CCL24: variants seen among roughly 807,000 people sequenced by gnomAD.
CCL24 encodes C-C motif chemokine ligand 24, also known as C-C motif chemokine 24.
CCL24 carries 6 observed loss-of-function variants against 8.6 expected under a neutral mutation model. That is an observed-to-expected ratio of 0.70 (90% CI 0.38 to 1.38). CCL24 has a LOEUF of 1.38. Ranked by LOEUF, CCL24 falls within the 40% of genes most tolerant of loss-of-function variation. The pLI is 0.02. For synonymous variants in CCL24, 59 were observed against 52.7 expected (o/e 1.12, Z -0.52); for missense variants, 126 against 147.1 (o/e 0.86, Z 0.74).
rs11465311 is a variant in CCL24, at chr7:75,812,180, G to A, written c.192-216C>T. Among the ~76,000 whole-genome samples, 725 of 151,952 alleles carry A rather than the reference G, an allele frequency of 4.8e-3. 6 individuals carry two copies. Among genetic ancestry groups the A allele is most frequent in the African/African-American group, 0.017 (693 of 41,466 alleles). On this transcript the variant is annotated intron_variant, in intron 2 of 2. Coordinates refer to ENST00000222902, the MANE Select transcript of CCL24 (RefSeq NM_002991.3). ...ACTCACTGCAGCCTCAAATTCCCAG[G>A]CTCAAGCTGTCCTCCCGCCTTAGCC...
Position 75,813,738 on chromosome 7 carries a change from G to A in CCL24, c.-23C>T. On this transcript the variant is annotated 5_prime_UTR_variant, in exon 1 of 3. Transcript: ENST00000222902. ...CATGTCTCAGAGAGCAGAAGCACCA[G>A]CTCGGGGCTCAAAGCTGACGTGCAG... 1 of 1,604,438 alleles carries A rather than the reference G, an allele frequency of 6.2e-7. No individual in the cohort carries two copies. The highest frequency in any genetic ancestry group is 1.7e-4 in the Middle Eastern group (1 of 6,052).
At chr7:75,817,321 G>T (rs1485134647), upstream of CCL24, among the ~76,000 whole-genome samples, 4 of 151,960 alleles carry the variant, frequency 2.6e-5, no homozygotes, top group African/African-American at 9.7e-5. Context: ...TCAGACAGAG[G>T]CAGCACTCAG....
chr7:75,817,591 C>T (rs1452491132), upstream of CCL24, among the ~76,000 whole-genome samples: 2 of 151,542 alleles, frequency 1.3e-5, no homozygotes, highest in African/African-American at 2.4e-5. Context: ...GAGCCTCAAC[C>T]TCCCGGGTTC....
chr7:75,819,105 C>A (rs1176711877), intron 1 of CCL24, among the ~76,000 whole-genome samples: 5 of 147,264 alleles, frequency 3.4e-5, no homozygotes, highest in African/African-American at 1.3e-4. Flanking sequence ...CCCATCTCTA[C>A]TAAAAATACA....
rs1246379622 is a variant in CCL24 at position 75,811,791 on chromosome 7, G to A, written c.*5C>T. On this transcript the variant is annotated 3_prime_UTR_variant, in exon 3 of 3. Transcript: ENST00000222902. ...CAAACTCAGGGCTGGAGGGCTGGGC[G>A]GGGATTAGCAGGTGGTTTGGTTGCC... The A allele has an allele frequency of 3.7e-6, 6 of 1,612,330 alleles. No individual in the cohort carries two copies. Among genetic ancestry groups the A allele is most frequent in the South Asian group, 1.1e-5 (1 of 90,936 alleles).
At chr7:75,819,843 C>T (rs1585031358) in intron 1 of CCL24, among the ~76,000 whole-genome samples, 3 of 152,060 alleles carry the variant, frequency 2.0e-5, no homozygotes, top group Admixed American at 2.0e-4. Context: ...ATTTTAGTCC[C>T]TGACCTGCTA....
rs1563354037 is a variant in CCL24 at position 75,820,133 on chromosome 7, C to CTTCTTCTT, written c.-60+3188_-60+3189insAAGAAGAA. ...TTCTTCTTCTTCTTCTTCTTCTTCT[C>CTTCTTCTT]CTCCTCCTCCTCCTCCTCCTTCTCC... On this transcript the variant is annotated intron_variant, in intron 1 of 3. Coordinates refer to the CCL24 transcript ENST00000416943. Among the ~76,000 whole-genome samples, 52 of 78,586 alleles carry CTTCTTCTT rather than the reference C, an allele frequency of 6.6e-4. 1 individual carries two copies. Among genetic ancestry groups the CTTCTTCTT allele is most frequent in the East Asian group, 1.4e-3 (3 of 2,096 alleles). The allele number at this position is 78,586 out of a possible 152,430, so 51.6% of individuals were successfully genotyped here. A position where few individuals can be genotyped will look rare whatever the true frequency, so the allele number is the denominator to read the frequency against.
upstream of CCL24, chr7:75,813,859 C>T: frequency 1.7e-6 from 1 of 589,404 alleles, no homozygotes; most frequent in South Asian, 1.8e-5. Context: ...GGAAACACGC[C>T]CCCGAGCCCC....
chr7:75,818,121 T>A (rs1277965967), upstream of CCL24, among the ~76,000 whole-genome samples: 1 of 151,968 alleles, frequency 6.6e-6, no homozygotes, highest in Non-Finnish European at 1.5e-5. Flanking sequence ...ATGAGCCACC[T>A]CACCCAACCA....
upstream of CCL24, among the ~76,000 whole-genome samples, chr7:75,814,012 T>C (rs1430133763): frequency 2.0e-5 from 3 of 152,270 alleles, no homozygotes; most frequent in Admixed American, 6.5e-5. Flanking sequence ...CTAGGCCAAG[T>C]TCAAAGGTGT....
chr7:75,821,820 T>G (rs1007349078), intron 1 of CCL24, among the ~76,000 whole-genome samples: 1 of 148,696 alleles, frequency 6.7e-6, no homozygotes, highest in Non-Finnish European at 1.5e-5. Flanking sequence ...CCCAGCTACT[T>G]GGGAGGCTGA....
At chr7:75,820,121 T>G (rs1457493064) in intron 1 of CCL24, among the ~76,000 whole-genome samples, 1 of 130,542 alleles carries the variant, frequency 7.7e-6, no homozygotes, top group African/African-American at 2.7e-5. Flanking sequence ...TTCTTCTTCT[T>G]CTTCTTCTTC....
At position 75,811,866 on chromosome 7, in the gene CCL24, G is replaced by A. The variant is rs1554533485; in HGVS notation, c.290C>T (p.Ser97Phe). 6.2e-7 allele frequency: 1 copy of A among 1,612,620 alleles called. No homozygotes were observed. Among genetic ancestry groups the A allele is most frequent in the South Asian group, 1.1e-5 (1 of 90,988 alleles). Residue 97 changes from serine (S) to phenylalanine (F), a missense_variant, in exon 3 of 3, where the codon TCC (serine) becomes TTC (phenylalanine). Physicochemically the swap from Ser to Phe is radical, Grantham distance 155. Transcript: ENST00000222902. ...KNLDAKQKKA[S>F]PRARAVAVKG... ...GACAGCCACTGCCCTGGCCCTAGGG[G>A]AAGCCTTCTTCTGCTTGGCGTCCAG... is the stretch of plus-strand genomic sequence containing the variant.
upstream of CCL24, chr7:75,813,905 C>T: frequency 2.0e-6 from 1 of 500,776 alleles, no homozygotes; most frequent in East Asian, 3.6e-5. Context: ...GGCCTGTGGT[C>T]TGGAAAGAGG....
Position 75,813,439 on chromosome 7 carries a change from G to GAAA in CCL24, c.74-17_74-16insTTT, listed in dbSNP as rs1554533725. 1.5e-5 allele frequency: 23 copies of GAAA among 1,570,252 alleles called. No homozygotes were observed. The highest frequency in any genetic ancestry group is 1.9e-5 in the Non-Finnish European group (22 of 1,141,110). ...ACCACAGAGCCTAGAAGAGGAGAGAGAGAAGAGCCACGTCTTTTCCCAGCC... is the reference window on the plus strand; with the variant it reads ...ACCACAGAGCCTAGAAGAGGAGAGAGAAAAGAAGAGCCACGTCTTTTCCCAGCC... On this transcript the variant is annotated splice_polypyrimidine_tract_variant and intron_variant, in intron 1 of 2. Coordinates refer to ENST00000222902, the MANE Select transcript of CCL24 (RefSeq NM_002991.3).
In CCL24 at chr7:75,813,340, A is replaced by C. The variant is rs782328673; in HGVS notation, c.157T>G (p.Ser53Ala). The C allele has an allele frequency of 1.2e-6, 2 of 1,612,284 alleles. No homozygotes were observed. Among genetic ancestry groups the C allele is most frequent in the South Asian group, 2.2e-5 (2 of 91,046 alleles). ...GCCTTGAGGCATGTGCTCCTGCTGG[A>C]CAGCTGGTAGCTGACCACTCGGTTC... ...PENRVVSYQLSSRSTCLKAGV... is the reference protein window; with the variant it reads ...PENRVVSYQLASRSTCLKAGV... Residue 53 changes from serine to alanine, a missense_variant, in exon 2 of 3, where the codon TCC (serine) becomes GCC (alanine). By Grantham distance (99) the Ser-to-Ala change is moderately conservative. Coordinates refer to ENST00000222902, the MANE Select transcript of CCL24 (RefSeq NM_002991.3).
At chr7:75,821,939 A>G (rs1554535148) in intron 1 of CCL24, among the ~76,000 whole-genome samples, 1 of 151,160 alleles carries the variant, frequency 6.6e-6, no homozygotes, top group Non-Finnish European at 1.5e-5. Context: ...AAAAAAAAAA[A>G]AAAGAAAACA....
chr7:75,821,698 G>A (rs12536694), intron 1 of CCL24, among the ~76,000 whole-genome samples: 20,117 of 151,858 alleles, frequency 0.13, 2,149 homozygotes, highest in East Asian at 0.48. Flanking sequence ...AGGCCAAGGC[G>A]GGTGGATCAC....
At chr7:75,822,954 T>C (rs1554535284) in intron 1 of CCL24, among the ~76,000 whole-genome samples, 4 of 152,232 alleles carry the variant, frequency 2.6e-5, no homozygotes, top group African/African-American at 9.6e-5. Context: ...GCCCTTGTCA[T>C]GGTGCCAGGC....
Sources: gnomAD v4.1 joint callset for allele counts (sites outside exome capture counted in the v4.1 genomes callset) on GRCh38, gnomAD v4.1.1 for gene constraint, MANE v1.5 for transcripts, NCBI Gene and HGNC (gene_info 2026-07-23, HGNC 2026-07-21) for gene names.